GEMIN5: variants seen among roughly 807,000 people sequenced by gnomAD.
GEMIN5 encodes gem-associated protein 5.
In GEMIN5, 124 loss-of-function variants were observed where a neutral mutation model predicts 176.9. That is an observed-to-expected ratio of 0.70 (90% CI 0.61 to 0.81). GEMIN5 has a LOEUF of 0.81. Among genes scored for constraint, GEMIN5 ranks in the 40% least tolerant of loss-of-function variants. The probability of loss-of-function intolerance (pLI) is 0.00; values close to 1 mark genes in which losing one functional copy is unlikely to be tolerated. For synonymous variants in GEMIN5, 673 were observed against 665.2 expected (o/e 1.01, Z -0.18); for missense variants, 1,843 against 1,814.6 (o/e 1.02, Z -0.28).
intron 7 of GEMIN5, 70 bp from the exon 8 acceptor site, chr5:154,926,144 T>A: frequency 1.1e-6 from 1 of 930,438 alleles, no homozygotes; most frequent in Non-Finnish European, 1.7e-6. Flanking sequence ...ACCTGATATG[T>A]CAAATGGGAT....
chr5:154,889,894 G>A (rs185966482), intron 26 of GEMIN5, among the ~76,000 whole-genome samples: 13 of 152,258 alleles, frequency 8.5e-5, no homozygotes, highest in Non-Finnish European at 1.3e-4. Flanking sequence ...GGTTGCTCCC[G>A]TGTTTTGGGT....
At chr5:154,918,961 A>C (rs1246440367) in intron 11 of GEMIN5, among the ~76,000 whole-genome samples, 1 of 152,156 alleles carries the variant, frequency 6.6e-6, no homozygotes, top group Non-Finnish European at 1.5e-5. Context: ...GAATCACTTG[A>C]TTCCAGGAGG....
At chr5:154,927,349 T>C (rs780863761) in intron 7 of GEMIN5, 36 bp downstream of exon 7, 1 of 1,431,754 alleles carries the variant, frequency 7.0e-7, no homozygotes, top group South Asian at 1.2e-5. Flanking sequence ...TGTAAACTGC[T>C]GCTCTACAAT....
At chr5:154,909,247 C>A (rs1368685154) in intron 15 of GEMIN5, among the ~76,000 whole-genome samples, 1 of 144,760 alleles carries the variant, frequency 6.9e-6, no homozygotes, top group Non-Finnish European at 1.5e-5. Flanking sequence ...GGATTACAGG[C>A]GTGAGCTACT....
chr5:154,901,369 A>T lies in GEMIN5; in HGVS notation c.2984T>A (p.Val995Glu), dbSNP rs772782258. The part of the protein sequence containing the change: ...LLSIHKVYEA[V>E]ELLKSNHFYR... The stretch of plus-strand genomic sequence containing the variant: ...AAAATGGTTTGACTTGAGCAGCTCC[A>T]CCGCTTCATACACTTTGTGGATGGA... The change falls in exon 21 of 28, where the codon GTG (valine) becomes GAG (glutamate). Residue 995 changes from valine (V) to glutamate (E), a missense_variant. By Grantham distance (121) the Val-to-Glu change is moderately radical. Coordinates refer to ENST00000285873, the MANE Select transcript of GEMIN5 (RefSeq NM_015465.5). The T allele has an allele frequency of 6.2e-6, 10 of 1,614,018 alleles. No individual in the cohort carries two copies. The highest frequency in any genetic ancestry group is 8.5e-6 in the Non-Finnish European group (10 of 1,179,996).
intron 5 of GEMIN5, among the ~76,000 whole-genome samples, chr5:154,930,258 C>A (rs115749014): frequency 3.3e-5 from 5 of 152,206 alleles, no homozygotes; most frequent in Admixed American, 6.5e-5. Flanking sequence ...GATAGGGGAA[C>A]GACACAGCAG....
chr5:154,888,252 G>T lies in GEMIN5; in HGVS notation c.4485C>A (p.Asn1495Lys). The part of the protein sequence containing the change: ...QAQELLQKYG[N>K]TKTYRRHCQT... ...GGCAGTGTCTTCTGTAAGTTTTCGT[G>T]TTGCCGTATTTCTGAAGGAGCTCTT... Residue 1495 changes from asparagine to lysine, a missense_variant, in exon 28 of 28, where the codon AAC (asparagine) becomes AAA (lysine). Asn to Lys is a moderately conservative substitution (Grantham distance 94, BLOSUM62 0). Coordinates refer to ENST00000285873, the MANE Select transcript of GEMIN5 (RefSeq NM_015465.5). The T allele has an allele frequency of 6.2e-7, 1 of 1,614,166 alleles. No individual in the cohort carries two copies. Among genetic ancestry groups the T allele is most frequent in the Non-Finnish European group, 8.5e-7 (1 of 1,180,024 alleles).
In GEMIN5 at chr5:154,921,404, T is replaced by C. The variant is rs1322624919; in HGVS notation, c.1401A>G (p.Thr467=). The change falls in exon 10 of 28, where the codon ACA becomes ACG. Residue 467 remains threonine, a synonymous_variant. Transcript: ENST00000285873. ...AAGTATATACAGTCTTCTTATGATA[T>C]GTGCTAGAAATCTGTGGAGGCCTTT... The part of the protein sequence containing the change: ...YSNKPPQISS[T]YHKKTVYTLA... 2.0e-6 allele frequency: 3 copies of C among 1,480,006 alleles called. No individual in the cohort carries two copies. Among genetic ancestry groups the C allele is most frequent in the Non-Finnish European group, 2.8e-6 (3 of 1,079,206 alleles). The allele number at this position is 1,480,006 out of a possible 1,614,324, so 91.7% of individuals were successfully genotyped here. A position where few individuals can be genotyped will look rare whatever the true frequency, so the allele number is the denominator to read the frequency against.
chr5:154,934,270 T>C (rs1311913518), intron 3 of GEMIN5, among the ~76,000 whole-genome samples: 1 of 152,168 alleles, frequency 6.6e-6, no homozygotes. Flanking sequence ...CACCACAACC[T>C]CTACCTCCTG....
chr5:154,891,612 T>C lies in GEMIN5; in HGVS notation c.3891A>G (p.Pro1297=), dbSNP rs1763228598. The C allele has an allele frequency of 1.2e-6, 2 of 1,614,152 alleles. No individual in the cohort carries two copies. The highest frequency in any genetic ancestry group is 8.5e-7 in the Non-Finnish European group (1 of 1,180,030). ...CAGCCCTTACCCAGACACTGGAATT[T>C]GGGCAAGGTCTGGAGAGAGACCACC... ...EFWWSLSRPC[P]NSSVWVRAGH... is the part of the protein sequence containing the mutation. Residue 1297 remains proline (P), a synonymous_variant, in exon 26 of 28, where the codon CCA becomes CCG. Coordinates refer to ENST00000285873, the MANE Select transcript of GEMIN5 (RefSeq NM_015465.5).
chr5:154,913,037 C>T lies in GEMIN5; in HGVS notation c.1857G>A (p.Glu619=), dbSNP rs773071374. 8.1e-6 allele frequency: 13 copies of T among 1,605,748 alleles called. No homozygotes were observed. The African/African-American group carries it at 1.2e-4, about 15-fold the overall frequency. The change falls in exon 14 of 28, where the codon GAG becomes GAA. Residue 619 remains glutamate (E), a splice_region_variant and synonymous_variant. Transcript: ENST00000285873. ...IYVHNLKTVI[E]SSPESPVTIT... Reference sequence around the variant, plus strand: ...TGGTCACTGGAGACTCAGGGCTGCTCTCTAAAAGGCAAAGGAAAGACATCA... The same window carrying T: ...TGGTCACTGGAGACTCAGGGCTGCTTTCTAAAAGGCAAAGGAAAGACATCA...
chr5:154,901,932 C>A (rs935088770), intron 20 of GEMIN5, among the ~76,000 whole-genome samples: 1 of 152,096 alleles, frequency 6.6e-6, no homozygotes. Flanking sequence ...TCCCGAGTAG[C>A]GGGGACTACA....
At chr5:154,923,959 C>T (rs1395543161) in intron 9 of GEMIN5, among the ~76,000 whole-genome samples, 1 of 151,916 alleles carries the variant, frequency 6.6e-6, no homozygotes, top group South Asian at 2.1e-4. Flanking sequence ...GTATATGTAA[C>T]CTAAAGTTTT....
Position 154,902,620 on chromosome 5 carries a change from T to G in GEMIN5, c.2785A>C (p.Lys929Gln). 1 of 1,613,986 alleles carries G rather than the reference T, an allele frequency of 6.2e-7. No individual in the cohort carries two copies. The highest frequency in any genetic ancestry group is 1.1e-5 in the South Asian group (1 of 91,086). The change falls in exon 20 of 28, where the codon AAA (lysine) becomes CAA (glutamine). Residue 929 changes from lysine (K) to glutamine (Q), a missense_variant. Transcript: ENST00000285873. ...TGGAGAACACCTTTGAGATCTCCTT[T>G]CCAAAGCATAAGCTGGTGAAATAAC... is the stretch of plus-strand genomic sequence containing the variant. Reference protein sequence around the residue: ...PELFHQLMLWKGDLKGVLQTA... With the variant: ...PELFHQLMLWQGDLKGVLQTA...
chr5:154,912,719 C>T (rs989857024), intron 14 of GEMIN5, among the ~76,000 whole-genome samples, 180 bp downstream of exon 14: 1 of 151,850 alleles, frequency 6.6e-6, no homozygotes, highest in Non-Finnish European at 1.5e-5. Context: ...AAAAAAAAAC[C>T]CAGTCTTAGC....
chr5:154,919,849 G>A, intron 11 of GEMIN5, 118 bp downstream of exon 11: 1 of 842,282 alleles, frequency 1.2e-6, no homozygotes, highest in Non-Finnish European at 1.9e-6. Context: ...GAACATTTAA[G>A]AAATCTGACT....
intron 21 of GEMIN5, 21 bp from the exon 22 acceptor site, chr5:154,899,331 T>C: frequency 1.9e-6 from 3 of 1,587,270 alleles, no homozygotes; most frequent in East Asian, 2.3e-5. Context: ...GAACAGACCC[T>C]TTAGCCAATC....
In GEMIN5 at chr5:154,892,747, G is replaced by A. The variant is rs1008180866; in HGVS notation, c.3598-198C>T. Reference sequence around the variant, plus strand: ...TCTAGTTGCACAGCAGCACACACACGTCCCGGTGTTAAAGTCTGTTCACAC... The same window carrying A: ...TCTAGTTGCACAGCAGCACACACACATCCCGGTGTTAAAGTCTGTTCACAC... On this transcript the variant is annotated intron_variant, in intron 24 of 27. Transcript: ENST00000285873. 3.5e-5 allele frequency: 20 copies of A among 564,110 alleles called. No homozygotes were observed. In the South Asian group the frequency reaches 3.7e-4, roughly 10 times the overall value. The allele number at this position is 564,110 out of a possible 1,614,324, so 34.9% of individuals were successfully genotyped here. A position where few individuals can be genotyped will look rare whatever the true frequency, so the allele number is the denominator to read the frequency against.
At chr5:154,928,930 T>C (rs1375244308) in intron 5 of GEMIN5, among the ~76,000 whole-genome samples, 2 of 145,568 alleles carry the variant, frequency 1.4e-5, no homozygotes, top group Non-Finnish European at 3.0e-5. Context: ...ATTAAGAGTA[T>C]TTTTTTTTTT....
Sources: gnomAD v4.1 joint callset for allele counts (sites outside exome capture counted in the v4.1 genomes callset) on GRCh38, gnomAD v4.1.1 for gene constraint, MANE v1.5 for transcripts, NCBI Gene and HGNC (gene_info 2026-07-23, HGNC 2026-07-21) for gene names.